The following TOPBP1 variants were observed in gnomAD, a reference collection of about 807,000 sequenced individuals.
The protein encoded by TOPBP1 is DNA topoisomerase 2-binding protein 1.
TOPBP1 carries 28 observed loss-of-function variants against 167.7 expected under a neutral mutation model. That is an observed-to-expected ratio of 0.17 (90% CI 0.12 to 0.23). TOPBP1 has a LOEUF of 0.23. Among genes scored for constraint, TOPBP1 ranks in the 10% least tolerant of loss-of-function variants. TOPBP1 has a pLI of 1.00. For synonymous variants in TOPBP1, 598 were observed against 611.4 expected (o/e 0.98, Z 0.32); for missense variants, 1,554 against 1,809.6 (o/e 0.86, Z 2.56).
chr3:133,621,868 A>C (rs1047527300), intron 19 of TOPBP1, among the ~76,000 whole-genome samples: 11 of 152,256 alleles, frequency 7.2e-5, no homozygotes, highest in Non-Finnish European at 2.9e-5. Context: ...TCACTGCAGT[A>C]CTATTTATAA....
At chr3:133,641,153 A>G (rs1303011952) in intron 12 of TOPBP1, among the ~76,000 whole-genome samples, 2 of 151,958 alleles carry the variant, frequency 1.3e-5, no homozygotes, top group Non-Finnish European at 2.9e-5. Flanking sequence ...CCACCAATCC[A>G]TTCAGTACTT....
At chr3:133,647,139 A>G (rs374223069) in intron 10 of TOPBP1, among the ~76,000 whole-genome samples, 1 of 152,182 alleles carries the variant, frequency 6.6e-6, no homozygotes, top group East Asian at 1.9e-4. Context: ...AAACTAACCA[A>G]CCAACCAACA....
chr3:133,621,886 A>G (rs1417907785), intron 19 of TOPBP1, among the ~76,000 whole-genome samples: 1 of 152,222 alleles, frequency 6.6e-6, no homozygotes, highest in Middle Eastern at 3.2e-3. Flanking sequence ...TAAAAGCAAG[A>G]AAGTAGAAAT....
At chr3:133,622,283 C>T (rs1396085732) in intron 19 of TOPBP1, among the ~76,000 whole-genome samples, 3 of 151,176 alleles carry the variant, frequency 2.0e-5, no homozygotes, top group East Asian at 3.9e-4. Flanking sequence ...CTCCGCCTCC[C>T]GAGTTCAAGC....
At chr3:133,650,636 G>A (rs1269062934) in intron 8 of TOPBP1, among the ~76,000 whole-genome samples, 2 of 151,700 alleles carry the variant, frequency 1.3e-5, no homozygotes, top group Non-Finnish European at 2.9e-5. Context: ...TTTACATAAG[G>A]TGCCCTTAAA....
At chr3:133,632,439 C>T (rs536615180) in intron 14 of TOPBP1, among the ~76,000 whole-genome samples, 9 of 152,136 alleles carry the variant, frequency 5.9e-5, no homozygotes, top group Middle Eastern at 6.8e-3. Context: ...ATAAATTACT[C>T]GGTCTGGGGT....
chr3:133,659,967 G>A (rs1306274004), intron 2 of TOPBP1, among the ~76,000 whole-genome samples: 1 of 152,012 alleles, frequency 6.6e-6, no homozygotes, highest in Non-Finnish European at 1.5e-5. Flanking sequence ...GCTCTCCACT[G>A]AGAGAAAAAT....
At chr3:133,612,868 T>C (rs1403714387) in intron 23 of TOPBP1, among the ~76,000 whole-genome samples, 4 of 151,950 alleles carry the variant, frequency 2.6e-5, no homozygotes, top group Non-Finnish European at 4.4e-5. Context: ...TTTATTCTGT[T>C]TTAATTTTAA....
chr3:133,660,319 A>G (rs1025309036), intron 2 of TOPBP1, among the ~76,000 whole-genome samples: 3 of 152,126 alleles, frequency 2.0e-5, no homozygotes, highest in Non-Finnish European at 4.4e-5. Context: ...TTCCTAATTT[A>G]TCATGTCTGA....
chr3:133,607,597 G>C (rs1934533447), intron 27 of TOPBP1, among the ~76,000 whole-genome samples: 1 of 152,050 alleles, frequency 6.6e-6, no homozygotes, highest in Non-Finnish European at 1.5e-5. Flanking sequence ...AAACTTTCGA[G>C]CACTTATGTG....
chr3:133,630,257 G>A (rs1020993243), intron 14 of TOPBP1, among the ~76,000 whole-genome samples: 2 of 147,410 alleles, frequency 1.4e-5, no homozygotes, highest in African/African-American at 2.5e-5. Context: ...TAATACCCAC[G>A]TATTTATTTT....
intron 27 of TOPBP1, among the ~76,000 whole-genome samples, chr3:133,608,068 C>A (rs1480084370): frequency 6.6e-6 from 1 of 152,116 alleles, no homozygotes; most frequent in South Asian, 2.1e-4. Context: ...ATTTTTCTTA[C>A]CCCATTCAAA....
At chr3:133,601,719 TAGCA>T in intron 27 of TOPBP1, among the ~76,000 whole-genome samples, 1 of 152,334 alleles carries the variant, frequency 6.6e-6, no homozygotes, top group Non-Finnish European at 1.5e-5. Flanking sequence ...GTCACATAAC[TAGCA>T]GGTAGCAAAG....
At chr3:133,603,182 C>T (rs1934370452) in intron 27 of TOPBP1, among the ~76,000 whole-genome samples, 1 of 152,172 alleles carries the variant, frequency 6.6e-6, no homozygotes, top group Non-Finnish European at 1.5e-5. Flanking sequence ...AGGCGTGAGC[C>T]ACCATGCCCG....
intron 14 of TOPBP1, among the ~76,000 whole-genome samples, chr3:133,632,095 G>C (rs145572478): frequency 1.3e-5 from 2 of 152,172 alleles, no homozygotes; most frequent in East Asian, 1.9e-4. Context: ...CTGTGGAACT[G>C]AGTCAATTAA....
chr3:133,658,076 G>GA, intron 3 of TOPBP1, 135 bp from the exon 4 acceptor site: 2 of 626,796 alleles, frequency 3.2e-6, no homozygotes, highest in Non-Finnish European at 5.0e-6. Context: ...ATCATTACAA[G>GA]AAAAAAATAA....
intron 14 of TOPBP1, among the ~76,000 whole-genome samples, chr3:133,632,131 G>A (rs1300692388): frequency 1.3e-5 from 2 of 152,002 alleles, no homozygotes; most frequent in East Asian, 1.9e-4. Flanking sequence ...AAAGTTGGAC[G>A]TGGTGGCTCG....
intron 27 of TOPBP1, among the ~76,000 whole-genome samples, chr3:133,604,373 G>C (rs989539060): frequency 1.3e-4 from 19 of 151,668 alleles, no homozygotes; most frequent in Admixed American, 1.3e-3. Flanking sequence ...CTGACCTCAA[G>C]TGATCTGCCC....
Position 133,653,453 on chromosome 3 carries a change from C to A in TOPBP1, c.814G>T (p.Glu272Ter). The A allele has an allele frequency of 6.2e-7, 1 of 1,612,874 alleles. No homozygotes were observed. Among genetic ancestry groups the A allele is most frequent in the Non-Finnish European group, 8.5e-7 (1 of 1,179,532 alleles). The part of the protein sequence containing the change: ...VTTQWFFDSI[E>*]KGFCQDESIY... The stretch of plus-strand genomic sequence containing the variant: ...GATTCATCCTGACAAAAACCTTTCT[C>A]AATACTGTCAAAAAACCACTGTGTG... The change falls in exon 7 of 28, where the codon GAG becomes TAG. Residue 272 changes from glutamate (E) to a stop codon, truncating the protein, a stop_gained. Transcript: ENST00000260810. LOFTEE classifies it high-confidence loss of function.
Sources: gnomAD v4.1 joint callset for allele counts (sites outside exome capture counted in the v4.1 genomes callset) on GRCh38, gnomAD v4.1.1 for gene constraint, MANE v1.5 for transcripts, NCBI Gene and HGNC (gene_info 2026-07-23, HGNC 2026-07-21) for gene names.